Variants in SHANK2 observed in about 807,000 individuals in gnomAD.
The protein encoded by SHANK2 is SH3 and multiple ankyrin repeat domains protein 2.
Under a neutral mutation model 133.7 loss-of-function variants are expected in SHANK2, and 43 were observed. The ratio of observed to expected loss-of-function variants is 0.32; its 90% CI spans 0.25 to 0.41. The LOEUF (loss-of-function observed/expected upper bound fraction) is 0.41, where lower values mean the gene tolerates loss of function less well. SHANK2 is among the 10% of genes least tolerant of loss of function. SHANK2 has a pLI of 1.00. For synonymous variants in SHANK2, 1,017 were observed against 952.8 expected, an observed-to-expected ratio of 1.07 and a Z score of -1.24; for missense variants, 1,994 against 2,235.8, an observed-to-expected ratio of 0.89 and a Z score of 2.18.
At chr11:70,699,972 T>C (rs988826602) in intron 14 of SHANK2, among the ~76,000 whole-genome samples, 24 of 152,232 alleles carry the variant, frequency 1.6e-4, no homozygotes, top group Admixed American at 8.5e-4. Flanking sequence ...GACTCTGTCT[T>C]CTTGCTTCTG....
chr11:70,906,269 G>C (rs1555077938), intron 10 of SHANK2, among the ~76,000 whole-genome samples: 1 of 152,248 alleles, frequency 6.6e-6, no homozygotes, highest in African/African-American at 2.4e-5. Flanking sequence ...GCTCTTCACA[G>C]TGGTGAGGGC....
intron 13 of SHANK2, among the ~76,000 whole-genome samples, chr11:70,803,286 ACATC>A (rs1164034336): frequency 4.7e-4 from 5 of 10,744 alleles, no homozygotes; most frequent in African/African-American, 6.9e-4. Context: ...ACTCAACCGC[ACATC>A]CATCCATCCA....
chr11:70,840,876 C>T (rs994674423), intron 11 of SHANK2, among the ~76,000 whole-genome samples: 2 of 152,168 alleles, frequency 1.3e-5, no homozygotes, highest in Non-Finnish European at 2.9e-5. Context: ...CACCCCCAGC[C>T]ATCAAGACTT....
intron 17 of SHANK2, among the ~76,000 whole-genome samples, chr11:70,505,658 C>T (rs1297775305): frequency 3.3e-5 from 5 of 152,124 alleles, no homozygotes; most frequent in Non-Finnish European, 4.4e-5. Context: ...TCCTGCCACC[C>T]GCTGTGGGGC....
At chr11:70,722,753 T>C (rs1946097240) in intron 14 of SHANK2, among the ~76,000 whole-genome samples, 1 of 152,056 alleles carries the variant, frequency 6.6e-6, no homozygotes. Flanking sequence ...AACCACTACC[T>C]CCTAACATAG....
intron 14 of SHANK2, among the ~76,000 whole-genome samples, chr11:70,748,143 C>A (rs576809754): frequency 2.6e-5 from 4 of 152,280 alleles, no homozygotes; most frequent in African/African-American, 9.6e-5. Context: ...ACTCCCAGTT[C>A]ATTTCTCAGC....
At chr11:70,782,013 CA>C (rs1947509155) in intron 14 of SHANK2, among the ~76,000 whole-genome samples, 2 of 152,128 alleles carry the variant, frequency 1.3e-5, no homozygotes, top group Non-Finnish European at 2.9e-5. Context: ...ATCGCAAGGA[CA>C]AAAAACCAAA....
chr11:70,537,226 C>T (rs185741644), intron 17 of SHANK2, among the ~76,000 whole-genome samples: 3 of 152,326 alleles, frequency 2.0e-5, no homozygotes, highest in African/African-American at 7.2e-5. Context: ...GGAGGGAAAC[C>T]TCCCCCCAGG....
In SHANK2 at chr11:71,079,927, A is replaced by G. The variant is rs1343664949; in HGVS notation, c.913-4652T>C. Among the ~76,000 whole-genome samples the G allele has an allele frequency of 6.7e-3, 569 of 85,126 alleles. 3 individuals are homozygous for G. Among genetic ancestry groups the G allele is most frequent in the Non-Finnish European group, 8.4e-3 (344 of 40,986 alleles). The allele number at this position is 85,126 out of a possible 152,430, so 55.8% of individuals were successfully genotyped here. A position where few individuals can be genotyped will look rare whatever the true frequency, so the allele number is the denominator to read the frequency against. ...GAGGGGAGGGGAAGGAAGGGGAGGGAAGGAGAGGAGAGGGAAGTGGGGAAG... is the reference window on the plus strand; with the variant it reads ...GAGGGGAGGGGAAGGAAGGGGAGGGGAGGAGAGGAGAGGGAAGTGGGGAAG... On this transcript the variant is annotated intron_variant, in intron 8 of 25. Coordinates refer to ENST00000601538, the MANE Select transcript of SHANK2 (RefSeq NM_012309.5).
chr11:70,493,134 G>A (rs1293647740), intron 21 of SHANK2, among the ~76,000 whole-genome samples: 1 of 150,370 alleles, frequency 6.7e-6, no homozygotes, highest in Non-Finnish European at 1.5e-5. Flanking sequence ...TTATTCTTGT[G>A]AGGGTTAACT....
intron 2 of SHANK2, among the ~76,000 whole-genome samples, chr11:71,154,743 G>A (rs1241719942): frequency 9.8e-6 from 1 of 102,296 alleles, no homozygotes; most frequent in Non-Finnish European, 2.1e-5. Flanking sequence ...CCCAGAGGAG[G>A]GATGGACCTA....
At chr11:70,612,952 T>C (rs370225030) in intron 17 of SHANK2, among the ~76,000 whole-genome samples, 7 of 152,290 alleles carry the variant, frequency 4.6e-5, no homozygotes, top group African/African-American at 1.7e-4. Flanking sequence ...ACTCCACGTG[T>C]GAGCAACTCA....
At chr11:71,069,875 T>C (rs1393091980) in intron 9 of SHANK2, among the ~76,000 whole-genome samples, 3 of 152,216 alleles carry the variant, frequency 2.0e-5, no homozygotes, top group Non-Finnish European at 4.4e-5. Context: ...CACTACTCCC[T>C]GCATGCCCTG....
chr11:71,102,662 A>G (rs1565452179), intron 6 of SHANK2, among the ~76,000 whole-genome samples: 1 of 152,242 alleles, frequency 6.6e-6, no homozygotes, highest in Non-Finnish European at 1.5e-5. Flanking sequence ...GAATGTGAAC[A>G]GCTTGTCCCC....
intron 11 of SHANK2, among the ~76,000 whole-genome samples, chr11:70,822,269 C>T (rs1948540068): frequency 6.6e-6 from 1 of 152,260 alleles, no homozygotes; most frequent in Admixed American, 6.5e-5. Context: ...AGGACCAGGG[C>T]TACCATCTGA....
At chr11:71,128,772 C>G (rs1311571561) in intron 3 of SHANK2, among the ~76,000 whole-genome samples, 1 of 152,168 alleles carries the variant, frequency 6.6e-6, no homozygotes, top group South Asian at 2.1e-4. Flanking sequence ...TGCCCCAGCC[C>G]GAGCTGCCTG....
At chr11:70,602,341 T>C (rs2060510807) in intron 17 of SHANK2, among the ~76,000 whole-genome samples, 1 of 152,246 alleles carries the variant, frequency 6.6e-6, no homozygotes, top group African/African-American at 2.4e-5. Context: ...TGCAACTCCC[T>C]GCAGAGAGGT....
rs533632211 is a variant in SHANK2, at chr11:70,663,779, T to G, written c.1854-2101A>C. ...TCTTGGCTCATCCCTGGAAGCCCAC[T>G]TACCCTGCTCAGGGCCACCAAACAA... On this transcript the variant is annotated intron_variant, in intron 15 of 25. Coordinates refer to ENST00000601538, the MANE Select transcript of SHANK2 (RefSeq NM_012309.5). Among the ~76,000 whole-genome samples the G allele has an allele frequency of 1.1e-4, 16 of 152,264 alleles. No individual in the cohort carries two copies. The East Asian group carries it at 3.1e-3, about 29-fold the overall frequency.
intron 3 of SHANK2, among the ~76,000 whole-genome samples, chr11:71,124,258 G>A (rs1170164845): frequency 2.5e-4 from 1 of 3,932 alleles, no homozygotes; most frequent in South Asian, 6.7e-3. Flanking sequence ...TGGTGATGAT[G>A]TTGGTGAAGG....
Sources: gnomAD v4.1 joint callset for allele counts (sites outside exome capture counted in the v4.1 genomes callset) on GRCh38, gnomAD v4.1.1 for gene constraint, MANE v1.5 for transcripts, NCBI Gene and HGNC (gene_info 2026-07-23, HGNC 2026-07-21) for gene names.